NUP214: variants seen among roughly 807,000 people sequenced by gnomAD.
The protein encoded by NUP214 is nucleoporin 214.
Under a neutral mutation model 196.2 loss-of-function variants are expected in NUP214, and 79 were observed. The observed-to-expected ratio is 0.40, with a 90% CI of 0.34 to 0.49. NUP214 has a LOEUF of 0.49. Ranked by LOEUF, NUP214 falls within the 20% of genes least tolerant of loss-of-function variation. The pLI is 0.58. For missense variants in NUP214, 2,468 were observed against 2,539.0 expected, an observed-to-expected ratio of 0.97 and a Z score of 0.60; for synonymous variants, 1,020 against 990.5, an observed-to-expected ratio of 1.03 and a Z score of -0.56.
chr9:131,161,402 G>A (rs997872964), intron 18 of NUP214, among the ~76,000 whole-genome samples: 3 of 152,010 alleles, frequency 2.0e-5, no homozygotes, highest in Non-Finnish European at 4.4e-5. Context: ...GGGATTACAG[G>A]TGCGTGCCAC....
chr9:131,176,718 G>A (rs200384918), intron 23 of NUP214, among the ~76,000 whole-genome samples: 2 of 152,160 alleles, frequency 1.3e-5, no homozygotes, highest in Non-Finnish European at 2.9e-5. Context: ...TCAGTGGCTT[G>A]TCATTATCCC....
At chr9:131,143,669 T>C (rs1239747569) in intron 11 of NUP214, among the ~76,000 whole-genome samples, 1 of 152,216 alleles carries the variant, frequency 6.6e-6, no homozygotes, top group Non-Finnish European at 1.5e-5. Context: ...TTTTAAAATC[T>C]CAATTTGTAT....
rs1414790807 is a variant in NUP214 at position 131,144,394 on chromosome 9, T to C, written c.1409T>C (p.Phe470Ser). 2 of 1,614,180 alleles carry C rather than the reference T, an allele frequency of 1.2e-6. No homozygotes were observed. The highest frequency in any genetic ancestry group is 1.1e-5 in the South Asian group (1 of 91,082). The part of the protein sequence containing the change: ...PSSPAAPIAT[F>S]SLLPAGGAPT... ...TCACCTGCTGCTCCCATTGCCACTT[T>C]TTCTTTGCTTCCTGCTGGTGGAGCC... is the stretch of plus-strand genomic sequence containing the variant. Residue 470 changes from phenylalanine (F) to serine (S), a missense_variant, in exon 12 of 36, where the codon TTT (phenylalanine) becomes TCT (serine). Physicochemically the swap from Phe to Ser is radical, Grantham distance 155. Around this residue, in one of 5 missense-constraint regions of NUP214, gnomAD observed 1,801 missense variants for 1,779.4 expected, o/e 1.01. Coordinates refer to ENST00000359428, the MANE Select transcript of NUP214 (RefSeq NM_005085.4).
Position 131,147,554 on chromosome 9 carries a change from C to A in NUP214, c.2010C>A (p.Thr670=), listed in dbSNP as rs753451453. The A allele has an allele frequency of 1.9e-6, 3 of 1,613,942 alleles. No homozygotes were observed. The East Asian group carries it at 6.7e-5, about 36-fold the overall frequency. ...TGGTACAGAAATCACCCAGGATAAC[C>A]CCTCCAGCGGCAAAGCCAGGCTCTC... ...PSMVQKSPRI[T]PPAAKPGSPQ... The change falls in exon 14 of 36, where the codon ACC becomes ACA. Residue 670 remains threonine, a synonymous_variant. Transcript: ENST00000359428.
At chr9:131,206,961 G>T (rs1834105633) in intron 30 of NUP214, among the ~76,000 whole-genome samples, 1 of 152,170 alleles carries the variant, frequency 6.6e-6, no homozygotes, top group African/African-American at 2.4e-5. Context: ...GATGGCAGGG[G>T]CCTTATTGTT....
chr9:131,128,680 C>T (rs1453129718), intron 3 of NUP214, 197 bp downstream of exon 3: 1 of 492,320 alleles, frequency 2.0e-6, no homozygotes, highest in African/African-American at 1.9e-5. Context: ...TTTCATAACG[C>T]CATCTGCCCT....
intron 3 of NUP214, 93 bp downstream of exon 3, chr9:131,128,576 T>A: frequency 2.8e-6 from 3 of 1,090,144 alleles, no homozygotes; most frequent in Non-Finnish European, 3.8e-6. Flanking sequence ...AGGTTAACCC[T>A]TGAAGTTTCT....
At chr9:131,182,623 G>A (rs1450965785) in intron 24 of NUP214, among the ~76,000 whole-genome samples, 1 of 152,220 alleles carries the variant, frequency 6.6e-6, no homozygotes, top group African/African-American at 2.4e-5. Flanking sequence ...GACCACAGTT[G>A]TAGACAGTAT....
intron 24 of NUP214, among the ~76,000 whole-genome samples, chr9:131,182,445 G>T (rs1288620147): frequency 4.6e-5 from 7 of 152,240 alleles, no homozygotes; most frequent in African/African-American, 1.7e-4. Flanking sequence ...CACATGCAAA[G>T]GATCTAGGTT....
At chr9:131,180,681 A>T (rs774085357) in intron 24 of NUP214, among the ~76,000 whole-genome samples, 1 of 152,210 alleles carries the variant, frequency 6.6e-6, no homozygotes, top group African/African-American at 2.4e-5. Flanking sequence ...GCAGTGCTCC[A>T]TCGCTTGATT....
intron 18 of NUP214, among the ~76,000 whole-genome samples, chr9:131,162,016 T>A (rs1832653553): frequency 6.6e-6 from 1 of 152,200 alleles, no homozygotes; most frequent in South Asian, 2.1e-4. Context: ...TTTTTTGATT[T>A]TTTTTTTAAG....
At chr9:131,158,555 G>A (rs531352426) in intron 17 of NUP214, among the ~76,000 whole-genome samples, 4 of 152,316 alleles carry the variant, frequency 2.6e-5, no homozygotes, top group South Asian at 4.1e-4. Context: ...AAACAAATGA[G>A]TATTTCTCAA....
intron 34 of NUP214, among the ~76,000 whole-genome samples, chr9:131,231,190 T>C (rs1834866696): frequency 1.4e-5 from 2 of 147,600 alleles, no homozygotes; most frequent in Non-Finnish European, 1.5e-5. Flanking sequence ...GGTTGAAACA[T>C]ATATATATAT....
At position 131,129,437 on chromosome 9, in the gene NUP214, A is replaced by C; in HGVS notation, c.552A>C (p.Lys184Asn). The change falls in exon 4 of 36, where the codon AAA (lysine) becomes AAC (asparagine). Residue 184 changes from lysine to asparagine, a missense_variant. This residue lies in a region of NUP214 where 392 missense variants were observed against 417.9 expected (regional missense o/e 0.94). Coordinates refer to ENST00000359428, the MANE Select transcript of NUP214 (RefSeq NM_005085.4). ...IAVLQVTETV[K>N]VCATLPSTVA... Reference sequence around the variant, plus strand: ...TCCTGCAAGTCACGGAAACAGTGAAAGTATGTGCAACTCTTCCTTCCACGG... The same window carrying C: ...TCCTGCAAGTCACGGAAACAGTGAACGTATGTGCAACTCTTCCTTCCACGG... 6.2e-7 allele frequency: 1 copy of C among 1,614,210 alleles called. No individual in the cohort carries two copies. The highest frequency in any genetic ancestry group is 8.5e-7 in the Non-Finnish European group (1 of 1,180,038).
At chr9:131,207,916 AG>A (rs746855595) in intron 30 of NUP214, among the ~76,000 whole-genome samples, 93 of 152,228 alleles carry the variant, frequency 6.1e-4, no homozygotes, top group Non-Finnish European at 1.2e-3. Context: ...AGCTGTTGGC[AG>A]TGATGGGGGC....
intron 17 of NUP214, among the ~76,000 whole-genome samples, chr9:131,154,839 G>T (rs1001461840): frequency 7.2e-5 from 11 of 152,180 alleles, no homozygotes; most frequent in African/African-American, 2.4e-4. Context: ...GTGTGTGTGT[G>T]TGTGCGCACG....
rs1390235928 is a variant in NUP214, at chr9:131,230,670, G to A, written c.6115G>A (p.Ala2039Thr). Residue 2039 changes from alanine (A) to threonine (T), a missense_variant, in exon 34 of 36, where the codon GCG becomes ACG. Around this residue, in one of 5 missense-constraint regions of NUP214, gnomAD observed 262 missense variants for 296.5 expected, o/e 0.88. Coordinates refer to ENST00000359428, the MANE Select transcript of NUP214 (RefSeq NM_005085.4). ...CAACACCACATCCTTCGGCACGCTCGCGAGTCAGAATGCCCCCACTTTCGG... is the reference window on the plus strand; with the variant it reads ...CAACACCACATCCTTCGGCACGCTCACGAGTCAGAATGCCCCCACTTTCGG... ...SSNTTSFGTLASQNAPTFGSL... is the reference protein window; with the variant it reads ...SSNTTSFGTLTSQNAPTFGSL... The A allele has an allele frequency of 3.1e-6, 5 of 1,613,964 alleles. No individual in the cohort carries two copies. The highest frequency in any genetic ancestry group is 1.3e-5 in the African/African-American group (1 of 74,900).
Position 131,223,671 on chromosome 9 carries a change from A to G in NUP214, c.5902+741A>G, listed in dbSNP as rs148857125. Among the ~76,000 whole-genome samples the G allele has an allele frequency of 4.3e-3, 607 of 139,766 alleles. 5 individuals carry two copies. The highest frequency in any genetic ancestry group is 0.015 in the African/African-American group (580 of 37,980). The allele number at this position is 139,766 out of a possible 152,430, so 91.7% of individuals were successfully genotyped here. ...ATTATCTGTTTAATTTCTAATGTGT[A>G]TGTTACTTTCCCCTCTTTCGCAAAT... On this transcript the variant is annotated intron_variant, in intron 32 of 35. Coordinates refer to ENST00000359428, the MANE Select transcript of NUP214 (RefSeq NM_005085.4).
intron 30 of NUP214, among the ~76,000 whole-genome samples, chr9:131,203,038 C>T (rs1174842118): frequency 8.6e-5 from 13 of 151,892 alleles, no homozygotes; most frequent in African/African-American, 3.1e-4. Context: ...CTCTGCCTCC[C>T]AGGTTCACGC....
Sources: gnomAD v4.1 joint callset for allele counts (sites outside exome capture counted in the v4.1 genomes callset) on GRCh38, gnomAD v4.1.1 for gene constraint, gnomAD v4.1.1 regional missense constraint, MANE v1.5 for transcripts, NCBI Gene and HGNC (gene_info 2026-07-23, HGNC 2026-07-21) for gene names.